Variants in PSMD3 observed in about 807,000 individuals in gnomAD.
PSMD3 encodes the protein 26S proteasome non-ATPase regulatory subunit 3.
Under a neutral mutation model 62.8 loss-of-function variants are expected in PSMD3, and 5 were observed. The ratio of observed to expected loss-of-function variants is 0.08; its 90% CI spans 0.04 to 0.17. The LOEUF is 0.17. Among genes scored for constraint, PSMD3 ranks in the 10% least tolerant of loss-of-function variants. The pLI is 1.00. For synonymous variants in PSMD3, 265 were observed against 283.9 expected (o/e 0.93, Z 0.67); for missense variants, 524 against 713.6 (o/e 0.73, Z 3.03).
At position 39,988,776 on chromosome 17, in the gene PSMD3, G is replaced by A. The variant is rs998129385; in HGVS notation, c.643G>A (p.Ala215Thr). ...AGCCGCAAAGTGTTACTATTATCACGCCCGGGTCTATGAGTTCCTGGACAA... is the reference window on the plus strand; with the variant it reads ...AGCCGCAAAGTGTTACTATTATCACACCCGGGTCTATGAGTTCCTGGACAA... ...LVAAKCYYYH[A>T]RVYEFLDKLD... is the part of the protein sequence containing the mutation. Residue 215 changes from alanine to threonine, a missense_variant, in exon 4 of 12, where the codon GCC (alanine) becomes ACC (threonine). Physicochemically the swap from Ala to Thr is moderately conservative, Grantham distance 58. Around this residue, in one of 4 missense-constraint regions of PSMD3, gnomAD observed 396 missense variants for 475.8 expected, o/e 0.83. Coordinates refer to ENST00000264639, the MANE Select transcript of PSMD3 (RefSeq NM_002809.4). The A allele has an allele frequency of 5.0e-6, 8 of 1,613,952 alleles. No homozygotes were observed. In the African/African-American group the frequency reaches 5.3e-5, roughly 11 times the overall value.
rs1026290112 is a variant in PSMD3 at position 39,996,107 on chromosome 17, C to T, written c.1321-76C>T. On this transcript the variant is annotated intron_variant, in intron 9 of 11. Coordinates refer to ENST00000264639, the MANE Select transcript of PSMD3 (RefSeq NM_002809.4). The surrounding 1 kb of genome is among the most constrained non-coding windows in gnomAD (Gnocchi z 5.1). ...GCACTCTCCTGCCTGGGTGACAGAG[C>T]GAGACTCCATCTCAAAAAAAAAAAA... The T allele has an allele frequency of 4.4e-5, 69 of 1,553,880 alleles. No individual in the cohort carries two copies. The highest frequency in any genetic ancestry group is 2.7e-4 in the African/African-American group (19 of 70,880).
At position 39,996,921 on chromosome 17, in the gene PSMD3, T is replaced by C; in HGVS notation, c.1477-409T>C. On this transcript the variant is annotated intron_variant, in intron 10 of 11. Transcript: ENST00000264639. This position sits in a 1 kb window ranked among gnomAD's most constrained non-coding sequence, Gnocchi z 5.1. ...TGCTTAAAATCTGGCTAAGCCCTAC[T>C]CCACGTGACATGCAAGGCCCTTTGT... The C allele has an allele frequency of 2.5e-6, 1 of 398,462 alleles. No individual in the cohort carries two copies. The highest frequency in any genetic ancestry group is 4.9e-6 in the Non-Finnish European group (1 of 205,828). 24.7% of individuals were successfully genotyped at this position (398,462 alleles called of 1,614,324 possible). A position where few individuals can be genotyped will look rare whatever the true frequency, so the allele number is the denominator to read the frequency against.
At chr17:39,984,269 C>T in intron 1 of PSMD3, 25 bp from the exon 2 acceptor site, 1 of 1,558,818 alleles carries the variant, frequency 6.4e-7, no homozygotes. Flanking sequence ...AAAGTGACAT[C>T]ATTTTCTTCT....
intron 2 of PSMD3, among the ~76,000 whole-genome samples, chr17:39,984,880 A>G (rs1449825529): frequency 6.6e-6 from 1 of 152,088 alleles, no homozygotes; most frequent in Non-Finnish European, 1.5e-5. Context: ...GGCCAGGCAC[A>G]GTGGCTCACA....
At position 39,986,679 on chromosome 17, in the gene PSMD3, C is replaced by T. The variant is rs773793801; in HGVS notation, c.516C>T (p.Val172=). Residue 172 remains valine (V), a synonymous_variant, in exon 3 of 12, where the codon GTC becomes GTT. Transcript: ENST00000264639. ...AAGCCTATCTCCAACTCCTCGTGGT[C>T]ATCTTCATGATGAACAGCAAGCGCT... ...EVEAYLQLLV[V]IFMMNSKRYK... 16 of 1,614,032 alleles carry T rather than the reference C, an allele frequency of 9.9e-6. No individual in the cohort carries two copies. The highest frequency in any genetic ancestry group is 1.3e-5 in the African/African-American group (1 of 74,908).
At chr17:39,984,050 T>A (rs960071598) in intron 1 of PSMD3, among the ~76,000 whole-genome samples, 4 of 151,544 alleles carry the variant, frequency 2.6e-5, no homozygotes, top group Admixed American at 6.6e-5. Flanking sequence ...ATACAAAAAA[T>A]TTAGCCAGGC....
In PSMD3 at chr17:39,997,729, C is replaced by G. The variant is rs1025539985; in HGVS notation, c.*148C>G. On this transcript the variant is annotated 3_prime_UTR_variant, in exon 12 of 12. Coordinates refer to ENST00000264639, the MANE Select transcript of PSMD3 (RefSeq NM_002809.4). ...GTGGGGGTGCTGGGAGCCAGCCACC[C>G]TGACCTCCCCCAGGGCTCCTCCCCA... 122 of 919,030 alleles carry G rather than the reference C, an allele frequency of 1.3e-4. No homozygotes were observed. Among genetic ancestry groups the G allele is most frequent in the Non-Finnish European group, 1.7e-4 (101 of 603,526 alleles). The allele number at this position is 919,030 out of a possible 1,614,324, so 56.9% of individuals were successfully genotyped here.
chr17:39,988,283 A>G (rs1438960569), intron 3 of PSMD3, among the ~76,000 whole-genome samples: 1 of 152,102 alleles, frequency 6.6e-6, no homozygotes, highest in African/African-American at 2.4e-5. Flanking sequence ...CCCTGTCTCT[A>G]TTGAGGATTT....
rs757588120 is a variant in PSMD3 at position 39,995,692 on chromosome 17, A to G, written c.1320+165A>G. ...CAGTGAAGCCAAGAAGTTGCCAGAGAGAGCATGGATGTGCATGTGAGTGTG... is the reference window on the plus strand; with the variant it reads ...CAGTGAAGCCAAGAAGTTGCCAGAGGGAGCATGGATGTGCATGTGAGTGTG... On this transcript the variant is annotated intron_variant, in intron 9 of 11. Transcript: ENST00000264639. This position sits in a 1 kb window ranked among gnomAD's most constrained non-coding sequence, Gnocchi z 4.1. 5.8e-6 allele frequency: 4 copies of G among 695,552 alleles called. No homozygotes were observed. Among genetic ancestry groups the G allele is most frequent in the Admixed American group, 2.3e-5 (1 of 44,334 alleles). 43.1% of individuals were successfully genotyped at this position (695,552 alleles called of 1,614,324 possible). A position where few individuals can be genotyped will look rare whatever the true frequency, so the allele number is the denominator to read the frequency against.
chr17:39,981,496 A>G (rs1980384572), intron 1 of PSMD3, among the ~76,000 whole-genome samples: 1 of 152,092 alleles, frequency 6.6e-6, no homozygotes. Flanking sequence ...TATTCCGTTT[A>G]TATCCCACCC....
chr17:39,980,883 AG>A lies in PSMD3; in HGVS notation c.-86del. On this transcript the variant is annotated 5_prime_UTR_variant, in exon 1 of 12. Transcript: ENST00000264639. ...CCGACGCTATCTCGCGCTCGTGTGC[AG>A]GCCCGGCTCGGCTCCTGGTCCCCGG... The A allele has an allele frequency of 8.4e-7, 1 of 1,195,912 alleles. No homozygotes were observed. The highest frequency in any genetic ancestry group is 1.1e-6 in the Non-Finnish European group (1 of 887,118). The allele number at this position is 1,195,912 out of a possible 1,614,324, so 74.1% of individuals were successfully genotyped here.
intron 2 of PSMD3, among the ~76,000 whole-genome samples, chr17:39,984,752 G>A (rs947963278): frequency 6.6e-6 from 1 of 152,136 alleles, no homozygotes; most frequent in African/African-American, 2.4e-5. Flanking sequence ...TCCAGTTGAG[G>A]TTGCGTTGGG....
At chr17:39,987,934 T>C (rs12453764) in intron 3 of PSMD3, among the ~76,000 whole-genome samples, 85,289 of 152,014 alleles carry the variant, frequency 0.56, 24,195 homozygotes, top group Middle Eastern at 0.74. Flanking sequence ...GGTGAAACCC[T>C]GTCTTTACTA....
rs994769156 is a variant in PSMD3 at position 39,996,098 on chromosome 17, G to A, written c.1321-85G>A. ...CGCACCACCGCACTCTCCTGCCTGG[G>A]TGACAGAGCGAGACTCCATCTCAAA... On this transcript the variant is annotated intron_variant, in intron 9 of 11. Coordinates refer to ENST00000264639, the MANE Select transcript of PSMD3 (RefSeq NM_002809.4). The surrounding 1 kb of genome is among the most constrained non-coding windows in gnomAD (Gnocchi z 5.1). The A allele has an allele frequency of 3.3e-6, 5 of 1,536,998 alleles. No individual in the cohort carries two copies. The African/African-American group carries it at 6.9e-5, about 21-fold the overall frequency.
chr17:39,990,289 C>G (rs3744245), intron 6 of PSMD3, 92 bp downstream of exon 6: 414,399 of 1,143,966 alleles, frequency 0.36, 80,004 homozygotes, highest in Middle Eastern at 0.49. Flanking sequence ...TCTTGAACTC[C>G]TGGGTTCAAG....
intron 6 of PSMD3, among the ~76,000 whole-genome samples, chr17:39,991,221 C>G (rs989353440): frequency 2.6e-5 from 4 of 152,118 alleles, no homozygotes; most frequent in African/African-American, 9.7e-5. Flanking sequence ...GAGGTGCCAT[C>G]TTGGCTCACT....
chr17:39,994,878 A>G, intron 6 of PSMD3, 76 bp from the exon 7 acceptor site: 2 of 1,312,466 alleles, frequency 1.5e-6, no homozygotes, highest in Non-Finnish European at 2.2e-6. Flanking sequence ...ATCTGGCAGA[A>G]TTTAGGCCAC....
chr17:39,980,995 C>G lies in PSMD3; in HGVS notation c.25C>G (p.Arg9Gly). The G allele has an allele frequency of 1.3e-6, 2 of 1,546,514 alleles. No individual in the cohort carries two copies. The highest frequency in any genetic ancestry group is 2.4e-5 in the South Asian group (2 of 83,646). Reference protein sequence around the residue: MKQEGSARRRGADKAKPPP... With the variant: MKQEGSARGRGADKAKPPP... ...CATGAAGCAGGAGGGCTCGGCGCGG[C>G]GCCGCGGCGCGGACAAGGCGAAACC... is the stretch of plus-strand genomic sequence containing the variant. Residue 9 changes from arginine (R) to glycine (G), a missense_variant, in exon 1 of 12, where the codon CGC (arginine) becomes GGC (glycine). Physicochemically the swap from Arg to Gly is moderately radical, Grantham distance 125 (BLOSUM62 -2). Transcript: ENST00000264639.
intron 1 of PSMD3, 36 bp downstream of exon 1, chr17:39,981,226 CGG>C: frequency 1.9e-6 from 3 of 1,547,730 alleles, no homozygotes; most frequent in Non-Finnish European, 2.6e-6. Context: ...GCCGCGATCG[CGG>C]GTGACAGCGA....
Sources: allele counts gnomAD v4.1 joint callset (sites outside exome capture counted in the v4.1 genomes callset), GRCh38; gene constraint gnomAD v4.1.1; regional missense constraint gnomAD v4.1.1; non-coding constraint Gnocchi (gnomAD v3.1); transcripts MANE v1.5; gene names NCBI Gene and HGNC (gene_info 2026-07-23, HGNC 2026-07-21).